TBCC: variants seen among roughly 807,000 people sequenced by gnomAD.
The protein encoded by TBCC is tubulin-specific chaperone C.
Under a neutral mutation model 25.3 loss-of-function variants are expected in TBCC, and 25 were observed. The observed-to-expected ratio is 0.99, with a 90% confidence interval of 0.72 to 1.38. TBCC has a LOEUF of 1.38. TBCC is among the 40% of genes most tolerant of loss of function. TBCC has a pLI of 0.00. For missense variants in TBCC, 507 were observed against 447.2 expected (o/e 1.13, Z -1.21); for synonymous variants, 226 against 192.8 (o/e 1.17, Z -1.43).
Position 42,745,253 on chromosome 6 carries a change from T to A in TBCC, c.821A>T (p.Gln274Leu). The A allele has an allele frequency of 6.2e-7, 1 of 1,614,234 alleles. No homozygotes were observed. The highest frequency in any genetic ancestry group is 8.5e-7 in the Non-Finnish European group (1 of 1,180,038). ...CTCCACGATGGCCCTGCTGGTCACC[T>A]GCAGGAAGATGCGGGTGTCTTTCGT... ...HSTKDTRIFLQVTSRAIVEDC... is the reference protein window; with the variant it reads ...HSTKDTRIFLLVTSRAIVEDC... Residue 274 changes from glutamine (Q) to leucine (L), a missense_variant, in exon 1 of 1, where the codon CAG becomes CTG. Coordinates refer to ENST00000372876, the MANE Select transcript of TBCC (RefSeq NM_003192.3). The surrounding 1 kb of genome is among the most constrained non-coding windows in gnomAD (Gnocchi z 4.2).
rs750408681 is a variant in TBCC, at chr6:42,745,647, C to T, written c.427G>A (p.Gly143Arg). ...PKKRFAFKTRGKDAASSTKVD... is the reference protein window; with the variant it reads ...PKKRFAFKTRRKDAASSTKVD... ...TTGGTAGACGAAGCAGCATCCTTTC[C>T]CCGGGTCTTGAAAGCGAAACGCTTC... Residue 143 changes from glycine to arginine, a missense_variant, in exon 1 of 1, where the codon GGA becomes AGA. By Grantham distance (125) the Gly-to-Arg change is moderately radical. Transcript: ENST00000372876. This position sits in a 1 kb window ranked among gnomAD's most constrained non-coding sequence, Gnocchi z 4.2. 13 of 1,612,298 alleles carry T rather than the reference C, an allele frequency of 8.1e-6. No homozygotes were observed. Among genetic ancestry groups the T allele is most frequent in the Non-Finnish European group, 9.3e-6 (11 of 1,179,292 alleles).
In TBCC at chr6:42,745,247, G is replaced by C; in HGVS notation, c.827C>G (p.Thr276Ser). The C allele has an allele frequency of 6.2e-7, 1 of 1,614,234 alleles. No individual in the cohort carries two copies. The highest frequency in any genetic ancestry group is 1.1e-5 in the South Asian group (1 of 91,090). Residue 276 changes from threonine to serine, a missense_variant, in exon 1 of 1, where the codon ACC (threonine) becomes AGC (serine). Physicochemically the swap from Thr to Ser is moderately conservative, Grantham distance 58. Coordinates refer to ENST00000372876, the MANE Select transcript of TBCC (RefSeq NM_003192.3). The surrounding 1 kb of genome is among the most constrained non-coding windows in gnomAD (Gnocchi z 4.2). Reference protein sequence around the residue: ...TKDTRIFLQVTSRAIVEDCSG... With the variant: ...TKDTRIFLQVSSRAIVEDCSG... ...GCAGTCCTCCACGATGGCCCTGCTG[G>C]TCACCTGCAGGAAGATGCGGGTGTC...
At position 42,745,244 on chromosome 6, in the gene TBCC, C is replaced by G; in HGVS notation, c.830G>C (p.Ser277Thr). The G allele has an allele frequency of 1.2e-6, 2 of 1,614,216 alleles. No homozygotes were observed. The highest frequency in any genetic ancestry group is 1.7e-6 in the Non-Finnish European group (2 of 1,180,042). ...ACTGCAGTCCTCCACGATGGCCCTG[C>G]TGGTCACCTGCAGGAAGATGCGGGT... ...KDTRIFLQVT[S>T]RAIVEDCSGI... Residue 277 changes from serine (S) to threonine (T), a missense_variant, in exon 1 of 1, where the codon AGC (serine) becomes ACC (threonine). Transcript: ENST00000372876. The surrounding 1 kb of genome is among the most constrained non-coding windows in gnomAD (Gnocchi z 4.2).
rs780759701 is a variant in TBCC at position 42,745,246 on chromosome 6, G to A, written c.828C>T (p.Thr276=). 7 of 1,614,216 alleles carry A rather than the reference G, an allele frequency of 4.3e-6. No individual in the cohort carries two copies. Among genetic ancestry groups the A allele is most frequent in the African/African-American group, 1.3e-5 (1 of 75,058 alleles). Residue 276 remains threonine (T), a synonymous_variant, in exon 1 of 1, where the codon ACC becomes ACT. Transcript: ENST00000372876. The surrounding 1 kb of genome is among the most constrained non-coding windows in gnomAD (Gnocchi z 4.2). Reference sequence around the variant, plus strand: ...TGCAGTCCTCCACGATGGCCCTGCTGGTCACCTGCAGGAAGATGCGGGTGT... The same window carrying A: ...TGCAGTCCTCCACGATGGCCCTGCTAGTCACCTGCAGGAAGATGCGGGTGT... ...TKDTRIFLQV[T]SRAIVEDCSG...
chr6:42,745,948 C>G lies in TBCC; in HGVS notation c.126G>C (p.Arg42Ser), dbSNP rs761092324. 12 of 1,614,232 alleles carry G rather than the reference C, an allele frequency of 7.4e-6. No individual in the cohort carries two copies. Among genetic ancestry groups the G allele is most frequent in the Admixed American group, 3.3e-5 (2 of 60,022 alleles). ...CCTGGTTCTGCCGCTTTTGTTTCCG[C>G]CTTTCAACTTCCAGCTGCCGTTCTT... ...REQERQLEVE[R>S]RKQKRQNQEV... The change falls in exon 1 of 1, where the codon AGG (arginine) becomes AGC (serine). Residue 42 changes from arginine to serine, a missense_variant. By Grantham distance (110) the Arg-to-Ser change is moderately radical. Transcript: ENST00000372876. This position sits in a 1 kb window ranked among gnomAD's most constrained non-coding sequence, Gnocchi z 4.2.
rs568878421 is a variant in TBCC, at chr6:42,744,772, G to T, written c.*261C>A. 1 of 310,444 alleles carries T rather than the reference G, an allele frequency of 3.2e-6. No individual in the cohort carries two copies. The highest frequency in any genetic ancestry group is 2.2e-5 in the African/African-American group (1 of 46,186). 19.2% of individuals were successfully genotyped at this position (310,444 alleles called of 1,614,324 possible). The stretch of plus-strand genomic sequence containing the variant: ...AATACAAGTTCGCGTGGTGGCGCGC[G>T]CCTGTAATCCCAGCGCGCCACCACG... On this transcript the variant is annotated 3_prime_UTR_variant, in exon 1 of 1. Transcript: ENST00000372876.
rs138808785 is a variant in TBCC at position 42,745,371 on chromosome 6, G to C, written c.703C>G (p.Leu235Val). The change falls in exon 1 of 1, where the codon CTG becomes GTG. Residue 235 changes from leucine (L) to valine (V), a missense_variant. Transcript: ENST00000372876. The surrounding 1 kb of genome is among the most constrained non-coding windows in gnomAD (Gnocchi z 4.2). The stretch of plus-strand genomic sequence containing the variant: ...GAGGTAGACACCGGACCGCAGAGCA[G>C]CTTGCAGCTGTGGGCCTTGGTTAGC... ...LRLTKAHSCK[L>V]LCGPVSTSVF... The C allele has an allele frequency of 6.2e-7, 1 of 1,614,252 alleles. No homozygotes were observed. Among genetic ancestry groups the C allele is most frequent in the South Asian group, 1.1e-5 (1 of 91,088 alleles).
Position 42,744,997 on chromosome 6 carries a change from G to T in TBCC, c.*36C>A. The T allele has an allele frequency of 6.3e-7, 1 of 1,584,934 alleles. No individual in the cohort carries two copies. Among genetic ancestry groups the T allele is most frequent in the Non-Finnish European group, 8.6e-7 (1 of 1,160,756 alleles). ...TAAGGGGGAAAGTCCAACGTGGAAA[G>T]TATTTGGTAGGAGTGAAGAACAGAG... is the stretch of plus-strand genomic sequence containing the variant. On this transcript the variant is annotated 3_prime_UTR_variant, in exon 1 of 1. Transcript: ENST00000372876.
rs1562443482 is a variant in TBCC at position 42,746,083 on chromosome 6, A to T, written c.-10T>A. 6.2e-7 allele frequency: 1 copy of T among 1,605,536 alleles called. No homozygotes were observed. The highest frequency in any genetic ancestry group is 8.5e-7 in the Non-Finnish European group (1 of 1,174,656). ...AACTGACGGACTCCATATTGGCTTC[A>T]AGCTTCCTCTCTCTTGTCTTCCTTC... is the stretch of plus-strand genomic sequence containing the variant. On this transcript the variant is annotated 5_prime_UTR_variant, in exon 1 of 1. Coordinates refer to ENST00000372876, the MANE Select transcript of TBCC (RefSeq NM_003192.3).
In TBCC at chr6:42,745,618, T is replaced by A. The variant is rs1762252106; in HGVS notation, c.456A>T (p.Val152=). The stretch of plus-strand genomic sequence containing the variant: ...CCGGGGGGATGCCAGGAGCCGCGTC[T>A]ACTTTGGTAGACGAAGCAGCATCCT... ...RGKDAASSTK[V]DAAPGIPPAV... The change falls in exon 1 of 1, where the codon GTA becomes GTT. Residue 152 remains valine, a synonymous_variant. Transcript: ENST00000372876. This position sits in a 1 kb window ranked among gnomAD's most constrained non-coding sequence, Gnocchi z 4.2. 1 of 1,612,316 alleles carries A rather than the reference T, an allele frequency of 6.2e-7. No individual in the cohort carries two copies. Among genetic ancestry groups the A allele is most frequent in the African/African-American group, 1.3e-5 (1 of 75,044 alleles).
At position 42,745,668 on chromosome 6, in the gene TBCC, G is replaced by C. The variant is rs748095320; in HGVS notation, c.406C>G (p.Arg136Gly). The C allele has an allele frequency of 5.6e-6, 9 of 1,611,464 alleles. No homozygotes were observed. The highest frequency in any genetic ancestry group is 2.2e-5 in the South Asian group (2 of 90,978). ...ERRRGLQPKKRFAFKTRGKDA... is the reference protein window; with the variant it reads ...ERRRGLQPKKGFAFKTRGKDA... Reference sequence around the variant, plus strand: ...TTTCCCCGGGTCTTGAAAGCGAAACGCTTCTTGGGCTGCAGCCCCCGGCGC... The same window carrying C: ...TTTCCCCGGGTCTTGAAAGCGAAACCCTTCTTGGGCTGCAGCCCCCGGCGC... The change falls in exon 1 of 1, where the codon CGT becomes GGT. Residue 136 changes from arginine (R) to glycine (G), a missense_variant. Coordinates refer to ENST00000372876, the MANE Select transcript of TBCC (RefSeq NM_003192.3). This position sits in a 1 kb window ranked among gnomAD's most constrained non-coding sequence, Gnocchi z 4.2.
Position 42,746,039 on chromosome 6 carries a change from C to T in TBCC, c.35G>A (p.Arg12Lys), listed in dbSNP as rs1184379395. 13 of 1,613,906 alleles carry T rather than the reference C, an allele frequency of 8.1e-6. No individual in the cohort carries two copies. Among genetic ancestry groups the T allele is most frequent in the Non-Finnish European group, 1.0e-5 (12 of 1,179,802 alleles). ...ESVSCSAAAV[R>K]TGDMESQRDL... ...CCGCTGGGACTCCATGTCTCCGGTC[C>T]TGACAGCAGCAGCGGAGCAACTGAC... The change falls in exon 1 of 1, where the codon AGG (arginine) becomes AAG (lysine). Residue 12 changes from arginine (R) to lysine (K), a missense_variant. Physicochemically the swap from Arg to Lys is conservative, Grantham distance 26 (BLOSUM62 2). Coordinates refer to ENST00000372876, the MANE Select transcript of TBCC (RefSeq NM_003192.3).
In TBCC at chr6:42,745,724, A is replaced by G. The variant is rs762318017; in HGVS notation, c.350T>C (p.Leu117Pro). Residue 117 changes from leucine (L) to proline (P), a missense_variant, in exon 1 of 1, where the codon CTG (leucine) becomes CCG (proline). Transcript: ENST00000372876. This position sits in a 1 kb window ranked among gnomAD's most constrained non-coding sequence, Gnocchi z 4.2. ...AYDLRQGQEA[L>P]ARLQAALAER... ...GGCCAAGGCCGCCTGCAGCCGCGCC[A>G]GCGCCTCTTGTCCCTGCCGCAGGTC... 72 of 1,613,268 alleles carry G rather than the reference A, an allele frequency of 4.5e-5. No homozygotes were observed. Among genetic ancestry groups the G allele is most frequent in the Non-Finnish European group, 6.1e-5 (72 of 1,179,724 alleles).
rs1762247846 is a variant in TBCC at position 42,745,516 on chromosome 6, G to A, written c.558C>T (p.Phe186=). 3.0e-5 allele frequency: 49 copies of A among 1,610,970 alleles called. No homozygotes were observed. The highest frequency in any genetic ancestry group is 4.0e-5 in the Non-Finnish European group (47 of 1,178,768). The part of the protein sequence containing the change: ...GDLGPSWVCG[F]SNLESQVLEK... ...CCAAGACTTGGGACTCCAGGTTGGA[G>A]AAACCGCAGACCCAGCTGGGGCCGA... is the stretch of plus-strand genomic sequence containing the variant. Residue 186 remains phenylalanine, a synonymous_variant, in exon 1 of 1, where the codon TTC becomes TTT. Coordinates refer to ENST00000372876, the MANE Select transcript of TBCC (RefSeq NM_003192.3). This position sits in a 1 kb window ranked among gnomAD's most constrained non-coding sequence, Gnocchi z 4.2.
chr6:42,745,039 C>T lies in TBCC; in HGVS notation c.1035G>A (p.Trp345Ter). The T allele has an allele frequency of 3.1e-6, 5 of 1,613,476 alleles. No individual in the cohort carries two copies. Among genetic ancestry groups the T allele is most frequent in the Non-Finnish European group, 4.2e-6 (5 of 1,179,604 alleles). Residue 345 changes from tryptophan to a stop codon, truncating the protein, a stop_gained, in exon 1 of 1, where the codon TGG becomes TGA. Transcript: ENST00000372876. LOFTEE classifies it high-confidence loss of function. This position sits in a 1 kb window ranked among gnomAD's most constrained non-coding sequence, Gnocchi z 4.2. ...ILPEEERNIQWD is the reference protein window; with the variant it reads ...ILPEEERNIQ ...AGAACAGAGTGACAACTGCTTAGTC[C>T]CACTGGATATTTCGCTCCTCTTCAG...
Position 42,744,871 on chromosome 6 carries a change from A to T in TBCC, c.*162T>A. On this transcript the variant is annotated 3_prime_UTR_variant, in exon 1 of 1. Transcript: ENST00000372876. ...AAAATGCTTTAGTGTTATACCTGTT[A>T]CGAATTTAATGGAAATTACAAGTAG... 1.4e-6 allele frequency: 1 copy of T among 701,162 alleles called. No homozygotes were observed. The highest frequency in any genetic ancestry group is 2.4e-6 in the Non-Finnish European group (1 of 421,998). The allele number at this position is 701,162 out of a possible 1,614,324, so 43.4% of individuals were successfully genotyped here. A position where few individuals can be genotyped will look rare whatever the true frequency, so the allele number is the denominator to read the frequency against.
Position 42,746,081 on chromosome 6 carries a change from T to C in TBCC, c.-8A>G, listed in dbSNP as rs191191078. 1,001 of 1,605,652 alleles carry C rather than the reference T, an allele frequency of 6.2e-4. 7 individuals are homozygous for C. The highest frequency in any genetic ancestry group is 3.2e-3 in the South Asian group (290 of 90,746). ...GCAACTGACGGACTCCATATTGGCT[T>C]CAAGCTTCCTCTCTCTTGTCTTCCT... is the stretch of plus-strand genomic sequence containing the variant. On this transcript the variant is annotated 5_prime_UTR_variant, in exon 1 of 1. Coordinates refer to ENST00000372876, the MANE Select transcript of TBCC (RefSeq NM_003192.3).
At position 42,746,036 on chromosome 6, in the gene TBCC, G is replaced by C. The variant is rs775640967; in HGVS notation, c.38C>G (p.Thr13Ser). The C allele has an allele frequency of 6.2e-7, 1 of 1,613,960 alleles. No individual in the cohort carries two copies. Among genetic ancestry groups the C allele is most frequent in the Admixed American group, 1.7e-5 (1 of 60,012 alleles). ...GTCCCGCTGGGACTCCATGTCTCCG[G>C]TCCTGACAGCAGCAGCGGAGCAACT... ...SVSCSAAAVR[T>S]GDMESQRDLS... The change falls in exon 1 of 1, where the codon ACC (threonine) becomes AGC (serine). Residue 13 changes from threonine to serine, a missense_variant. Thr to Ser is a moderately conservative substitution (Grantham distance 58). Coordinates refer to ENST00000372876, the MANE Select transcript of TBCC (RefSeq NM_003192.3).
In TBCC at chr6:42,744,983, G is replaced by A. The variant is rs748736484; in HGVS notation, c.*50C>T. 5 of 1,557,598 alleles carry A rather than the reference G, an allele frequency of 3.2e-6. No individual in the cohort carries two copies. Among genetic ancestry groups the A allele is most frequent in the Non-Finnish European group, 4.4e-6 (5 of 1,141,760 alleles). On this transcript the variant is annotated 3_prime_UTR_variant, in exon 1 of 1. Transcript: ENST00000372876. The stretch of plus-strand genomic sequence containing the variant: ...ACTTCGAGACCCAATAAGGGGGAAA[G>A]TCCAACGTGGAAAGTATTTGGTAGG...
Sources: allele counts gnomAD v4.1 joint callset, GRCh38; gene constraint gnomAD v4.1.1; non-coding constraint Gnocchi (gnomAD v3.1); transcripts MANE v1.5; gene names NCBI Gene and HGNC (gene_info 2026-07-23, HGNC 2026-07-21).